The following PGCKA1 variants were observed in gnomAD, a reference collection of about 807,000 sequenced individuals.
The protein encoded by PGCKA1 is PDCD10 and GCKIII kinases-associated protein 1.
the PGCKA1 span, among the ~76,000 whole-genome samples, chr4:37,453,621 C>T: frequency 6.6e-6 from 1 of 152,154 alleles, no homozygotes; most frequent in African/African-American, 2.4e-5. Flanking sequence ...TCATAGGAAG[C>T]TCCCTTCTCT....
chr4:37,508,683 C>CTTTTTT, the PGCKA1 span, among the ~76,000 whole-genome samples: 5 of 84,850 alleles, frequency 5.9e-5, no homozygotes, highest in African/African-American at 2.0e-4. Context: ...TTTGCTGAAT[C>CTTTTTT]TTTTTTTTAG....
At chr4:37,568,634 A>C in the PGCKA1 span, among the ~76,000 whole-genome samples, 4 of 152,200 alleles carry the variant, frequency 2.6e-5, no homozygotes, top group Non-Finnish European at 4.4e-5. Context: ...GTGAGTGTGG[A>C]CGTAGGACCC....
chr4:37,554,271 A>G, the PGCKA1 span, among the ~76,000 whole-genome samples: 1 of 152,142 alleles, frequency 6.6e-6, no homozygotes, highest in African/African-American at 2.4e-5. Context: ...TTTCTTTATA[A>G]ATTACCCAGT....
chr4:37,468,998 C>T, the PGCKA1 span, among the ~76,000 whole-genome samples: 1 of 152,106 alleles, frequency 6.6e-6, no homozygotes, highest in Admixed American at 6.5e-5. Context: ...TCATATACCT[C>T]TTATACAATG....
chr4:37,586,152 A>G, the PGCKA1 span, among the ~76,000 whole-genome samples: 3 of 151,982 alleles, frequency 2.0e-5, no homozygotes, highest in Non-Finnish European at 4.4e-5. Context: ...TATAGTAGGA[A>G]TATTATTATC....
At chr4:37,590,263 A>G in the PGCKA1 span, 1 of 1,614,192 alleles carries the variant, frequency 6.2e-7, no homozygotes, top group Non-Finnish European at 8.5e-7. Flanking sequence ...CAGCAGCAGG[A>G]CAGCTGATCC....
At chr4:37,503,955 C>T in the PGCKA1 span, among the ~76,000 whole-genome samples, 1 of 152,142 alleles carries the variant, frequency 6.6e-6, no homozygotes, top group African/African-American at 2.4e-5. Flanking sequence ...AGCTTTTTAA[C>T]TTAATGTGAT....
chr4:37,512,064 A>G, the PGCKA1 span, among the ~76,000 whole-genome samples: 1 of 152,176 alleles, frequency 6.6e-6, no homozygotes. Flanking sequence ...CCCTCTTTCA[A>G]GTGCACAGAT....
the PGCKA1 span, among the ~76,000 whole-genome samples, chr4:37,570,810 C>T: frequency 1.1e-4 from 17 of 152,220 alleles, no homozygotes; most frequent in Admixed American, 9.8e-4. Context: ...GAATAGAACC[C>T]TTGGAGCCGG....
At chr4:37,556,261 T>TTTGTTTTG in the PGCKA1 span, among the ~76,000 whole-genome samples, 1 of 110,594 alleles carries the variant, frequency 9.0e-6, no homozygotes, top group Non-Finnish European at 2.0e-5. Context: ...TTTTTTTTGT[T>TTTGTTTTG]TTGTTTTGTT....
the PGCKA1 span, among the ~76,000 whole-genome samples, chr4:37,581,328 C>T: frequency 2.0e-5 from 3 of 152,048 alleles, no homozygotes; most frequent in Non-Finnish European, 4.4e-5. The surrounding 1 kb of genome is among the most constrained non-coding windows in gnomAD (Gnocchi z 4.4). Flanking sequence ...CCATAGCCAC[C>T]ACAGCTAGGA....
chr4:37,455,847 G>C, the PGCKA1 span, among the ~76,000 whole-genome samples: 1 of 152,172 alleles, frequency 6.6e-6, no homozygotes, highest in Non-Finnish European at 1.5e-5. Context: ...CGCTCTTGGT[G>C]CCCGGAAGCC....
At chr4:37,556,955 GAGA>G in the PGCKA1 span, among the ~76,000 whole-genome samples, 1 of 152,212 alleles carries the variant, frequency 6.6e-6, no homozygotes, top group African/African-American at 2.4e-5. Context: ...ATAACCAAGT[GAGA>G]AGATTTCGCT....
At chr4:37,528,246 G>T in the PGCKA1 span, among the ~76,000 whole-genome samples, 10 of 152,240 alleles carry the variant, frequency 6.6e-5, no homozygotes, top group Middle Eastern at 0.014. Flanking sequence ...TTGACTCAGG[G>T]ATTTTGTGTT....
chr4:37,526,779 A>G, the PGCKA1 span, among the ~76,000 whole-genome samples: 4 of 152,228 alleles, frequency 2.6e-5, no homozygotes, highest in Admixed American at 2.0e-4. Flanking sequence ...ATACTTGACA[A>G]TGATCATAAA....
the PGCKA1 span, among the ~76,000 whole-genome samples, chr4:37,565,775 A>G: frequency 6.6e-6 from 1 of 152,186 alleles, no homozygotes; most frequent in Non-Finnish European, 1.5e-5. Context: ...TGAAGGATGC[A>G]AAGTGTTGGT....
chr4:37,507,202 A>G, the PGCKA1 span, among the ~76,000 whole-genome samples: 1 of 152,088 alleles, frequency 6.6e-6, no homozygotes, highest in Non-Finnish European at 1.5e-5. Context: ...CTTATAGGCA[A>G]CAGATAATTG....
chr4:37,499,116 T>C, the PGCKA1 span, among the ~76,000 whole-genome samples: 7 of 152,250 alleles, frequency 4.6e-5, no homozygotes, highest in Non-Finnish European at 1.0e-4. Context: ...GTTTATGTGA[T>C]GAATCACATT....
the PGCKA1 span, among the ~76,000 whole-genome samples, chr4:37,567,741 A>T: frequency 6.6e-6 from 1 of 152,056 alleles, no homozygotes; most frequent in African/African-American, 2.4e-5. Context: ...CCCAGAACCT[A>T]GCACAGTGCC....
Sources: allele counts gnomAD v4.1 joint callset (sites outside exome capture counted in the v4.1 genomes callset), GRCh38; gene constraint gnomAD v4.1.1; non-coding constraint Gnocchi (gnomAD v3.1); transcripts MANE v1.5; gene names NCBI Gene and HGNC (gene_info 2026-07-23, HGNC 2026-07-21).